Variants in AOPEP observed in about 807,000 individuals in gnomAD.
AOPEP encodes the protein aminopeptidase O.
AOPEP carries 77 observed loss-of-function variants against 98.1 expected under a neutral mutation model. That is an observed-to-expected ratio of 0.78 (90% CI 0.65 to 0.95). The LOEUF (loss-of-function observed/expected upper bound fraction) is 0.95. Ranked by LOEUF, AOPEP falls within the 40% of genes least tolerant of loss-of-function variation. The pLI, the probability that AOPEP is intolerant of heterozygous loss-of-function variation, is 0.00. For synonymous variants in AOPEP, 346 were observed against 365.3 expected (o/e 0.95, Z 0.60); for missense variants, 1,024 against 1,024.7 (o/e 1.00, Z 0.01).
downstream of AOPEP, among the ~76,000 whole-genome samples, chr9:95,089,210 C>T (rs1174185243): frequency 2.0e-5 from 3 of 152,188 alleles, no homozygotes; most frequent in East Asian, 1.9e-4. Flanking sequence ...AGCCTGAGAG[C>T]AAACCGGGGT....
intron 5 of AOPEP, among the ~76,000 whole-genome samples, chr9:94,809,552 G>A (rs566054012): frequency 1.3e-5 from 2 of 152,348 alleles, no homozygotes; most frequent in Admixed American, 6.5e-5. Flanking sequence ...GACCTGACCT[G>A]CATGCGTCAG....
chr9:94,793,677 G>GAA (rs769861190), intron 4 of AOPEP, among the ~76,000 whole-genome samples: 1 of 127,460 alleles, frequency 7.8e-6, no homozygotes, highest in African/African-American at 2.9e-5. Flanking sequence ...CTCTGTCTTG[G>GAA]AAAAAAAAAA....
At chr9:94,807,964 G>A (rs1350850249) in intron 5 of AOPEP, among the ~76,000 whole-genome samples, 1 of 152,168 alleles carries the variant, frequency 6.6e-6, no homozygotes, top group Admixed American at 6.5e-5. Context: ...GCATAAAGTG[G>A]GTGAGAAATT....
chr9:95,050,205 G>A (rs2066219427), intron 13 of AOPEP, among the ~76,000 whole-genome samples: 1 of 152,164 alleles, frequency 6.6e-6, no homozygotes, highest in Non-Finnish European at 1.5e-5. Context: ...GATGTTGTTC[G>A]CATCACCTCT....
intron 5 of AOPEP, among the ~76,000 whole-genome samples, chr9:94,908,602 G>A (rs1235707568): frequency 6.6e-6 from 1 of 152,070 alleles, no homozygotes; most frequent in African/African-American, 2.4e-5. Flanking sequence ...ACACAAAACC[G>A]TCAAATGGTT....
the AOPEP span, among the ~76,000 whole-genome samples, chr9:95,119,119 C>T: frequency 6.6e-6 from 1 of 152,178 alleles, no homozygotes; most frequent in Non-Finnish European, 1.5e-5. Flanking sequence ...GCTTTCCTAC[C>T]TGTTTCACTC....
At chr9:94,941,384 C>A (rs1455084348) in intron 7 of AOPEP, among the ~76,000 whole-genome samples, 3 of 152,262 alleles carry the variant, frequency 2.0e-5, no homozygotes, top group Non-Finnish European at 4.4e-5. Context: ...TTCCCCTACC[C>A]ACTCCTGTCT....
chr9:94,950,489 C>A (rs1438237374), intron 7 of AOPEP, among the ~76,000 whole-genome samples: 1 of 152,166 alleles, frequency 6.6e-6, no homozygotes, highest in Non-Finnish European at 1.5e-5. Context: ...TGGTCATGCT[C>A]CTTCCCCTGC....
At chr9:95,088,002 T>C (rs1638993712), downstream of AOPEP, among the ~76,000 whole-genome samples, 1 of 152,152 alleles carries the variant, frequency 6.6e-6, no homozygotes, top group South Asian at 2.1e-4. Context: ...AGAACTCTCT[T>C]TTCTTGTCCC....
chr9:94,986,760 A>T (rs1452974829), intron 11 of AOPEP, among the ~76,000 whole-genome samples: 1 of 152,216 alleles, frequency 6.6e-6, no homozygotes, highest in African/African-American at 2.4e-5. Flanking sequence ...AGCACAAGCC[A>T]TCACAATGAA....
intron 13 of AOPEP, among the ~76,000 whole-genome samples, chr9:95,029,466 C>T (rs913464054): frequency 2.0e-5 from 3 of 152,114 alleles, no homozygotes; most frequent in African/African-American, 2.4e-5. Context: ...AGTGTAAGTG[C>T]TGTTTCTTTT....
At chr9:94,863,349 C>T (rs1279094190) in intron 5 of AOPEP, among the ~76,000 whole-genome samples, 5 of 147,932 alleles carry the variant, frequency 3.4e-5, no homozygotes, top group South Asian at 2.1e-4. Flanking sequence ...GGCGTGGTCT[C>T]GGCTCACTGC....
At chr9:94,736,876 T>G (rs1831894213) in intron 1 of AOPEP, among the ~76,000 whole-genome samples, 1 of 152,162 alleles carries the variant, frequency 6.6e-6, no homozygotes, top group Non-Finnish European at 1.5e-5. Flanking sequence ...AACTTGCATG[T>G]GACTAGGATT....
chr9:94,942,103 A>G (rs2057074421), intron 7 of AOPEP, among the ~76,000 whole-genome samples: 1 of 152,206 alleles, frequency 6.6e-6, no homozygotes, highest in African/African-American at 2.4e-5. Flanking sequence ...ACTATAAAAT[A>G]TTTCGTACAA....
chr9:94,960,097 C>T (rs1283620556), intron 9 of AOPEP, among the ~76,000 whole-genome samples: 1 of 152,020 alleles, frequency 6.6e-6, no homozygotes, highest in African/African-American at 2.4e-5. Flanking sequence ...TAGAAAACAT[C>T]AGTTTATTCA....
chr9:94,980,773 A>G lies in AOPEP; in HGVS notation c.1977+1346A>G, dbSNP rs752778729. ...GCGCCTTTCACTCACGTGTGTGACA[A>G]TGAGGGCCCGTGAGCTCTGAGACGG... On this transcript the variant is annotated intron_variant, in intron 11 of 16. Coordinates refer to ENST00000375315, the MANE Select transcript of AOPEP (RefSeq NM_001193329.3). The surrounding 1 kb of genome is among the most constrained non-coding windows in gnomAD (Gnocchi z 4.3). Among the ~76,000 whole-genome samples the G allele has an allele frequency of 1.6e-4, 25 of 152,328 alleles. No individual in the cohort carries two copies. The highest frequency in any genetic ancestry group is 9.1e-4 in the Admixed American group (14 of 15,304).
At chr9:95,107,688 G>A in the AOPEP span, among the ~76,000 whole-genome samples, 1 of 152,132 alleles carries the variant, frequency 6.6e-6, no homozygotes, top group African/African-American at 2.4e-5. Flanking sequence ...ACGAATGTAG[G>A]CTTGCCTTTG....
chr9:95,111,265 C>T, the AOPEP span: 2 of 1,548,330 alleles, frequency 1.3e-6, no homozygotes, highest in East Asian at 4.8e-5. Flanking sequence ...CGTCTCTGGC[C>T]ACCTCGGTGG....
At chr9:94,834,176 A>G (rs557353585) in intron 5 of AOPEP, among the ~76,000 whole-genome samples, 1 of 152,360 alleles carries the variant, frequency 6.6e-6, no homozygotes, top group African/African-American at 2.4e-5. Flanking sequence ...AGTACAGAGG[A>G]ACAAATTAAA....
Sources: allele counts gnomAD v4.1 joint callset (sites outside exome capture counted in the v4.1 genomes callset), GRCh38; gene constraint gnomAD v4.1.1; non-coding constraint Gnocchi (gnomAD v3.1); transcripts MANE v1.5; gene names NCBI Gene and HGNC (gene_info 2026-07-23, HGNC 2026-07-21).